The following KCNAB1 variants were observed in gnomAD, a reference collection of about 807,000 sequenced individuals.
KCNAB1 encodes voltage-gated potassium channel subunit beta-1.
A neutral mutation model predicts 64.6 loss-of-function variants in KCNAB1; 35 were observed. The ratio of observed to expected loss-of-function variants is 0.54; its 90% confidence interval spans 0.41 to 0.72. KCNAB1 has a LOEUF of 0.72. Among genes scored for constraint, KCNAB1 ranks in the 30% least tolerant of loss-of-function variants. KCNAB1 has a pLI of 0.00. For missense variants in KCNAB1, 401 were observed against 512.9 expected (o/e 0.78, Z 2.11); for synonymous variants, 177 against 183.8 (o/e 0.96, Z 0.30).
chr3:156,174,736 C>T (rs1159574972), intron 1 of KCNAB1, among the ~76,000 whole-genome samples: 2 of 152,184 alleles, frequency 1.3e-5, no homozygotes, highest in African/African-American at 4.8e-5. Flanking sequence ...TCCACAGGCC[C>T]TCTTATTCTC....
rs1316900310 is a variant in KCNAB1 at position 156,421,673 on chromosome 3, G to A, written c.319+14G>A. The A allele has an allele frequency of 1.9e-6, 3 of 1,612,706 alleles. No homozygotes were observed. Among genetic ancestry groups the A allele is most frequent in the Admixed American group, 3.3e-5 (2 of 59,994 alleles). ...GCTTGGGTCTTGGTAAGTACTGAGG[G>A]TGTGACCTGGGGGTGGGCTGGAAGG... is the stretch of plus-strand genomic sequence containing the variant. On this transcript the variant is annotated intron_variant, in intron 2 of 13. Transcript: ENST00000490337.
At chr3:156,514,296 G>A in intron 8 of KCNAB1, 68 bp from the exon 9 acceptor site, 1 of 1,158,624 alleles carries the variant, frequency 8.6e-7, no homozygotes, top group Non-Finnish European at 1.3e-6. Flanking sequence ...TTGGCTAGAG[G>A]AGTAAAAATC....
rs145724435 is a variant in KCNAB1 at position 156,127,962 on chromosome 3, C to G, written c.275+7076C>G. Among the ~76,000 whole-genome samples, 26 of 151,110 alleles carry G rather than the reference C, an allele frequency of 1.7e-4. No individual in the cohort carries two copies. In the East Asian group the frequency reaches 4.7e-3, roughly 27 times the overall value. On this transcript the variant is annotated intron_variant, in intron 1 of 13. Coordinates refer to ENST00000490337, the MANE Select transcript of KCNAB1 (RefSeq NM_172160.3). ...GGTTTCTTCTGAATAACTGTGGACA[C>G]CTGGAAGGCAGTGCCTCTATCTCAG...
intron 1 of KCNAB1, among the ~76,000 whole-genome samples, chr3:156,266,010 C>CA (rs545738497): frequency 7.9e-5 from 12 of 151,582 alleles, no homozygotes; most frequent in East Asian, 7.7e-4. Context: ...AAACAAAAAA[C>CA]AAAAAAAACT....
Position 156,279,739 on chromosome 3 carries a change from T to G in KCNAB1, c.276-141877T>G, listed in dbSNP as rs1365586831. ...CCAGTGATGATGAGCATTTTTTCAT[T>G]TGTTTTTTGGCTGCATAAATGTCTT... On this transcript the variant is annotated intron_variant, in intron 1 of 13. Coordinates refer to ENST00000490337, the MANE Select transcript of KCNAB1 (RefSeq NM_172160.3). Among the ~76,000 whole-genome samples the G allele has an allele frequency of 1.1e-3, 166 of 152,136 alleles. 2 individuals carry two copies. The South Asian group carries it at 0.013, about 12-fold the overall frequency.
In KCNAB1 at chr3:156,474,805, A is replaced by G; in HGVS notation, c.643A>G (p.Asn215Asp). Residue 215 changes from asparagine to aspartate, a missense_variant, in exon 8 of 14, where the codon AAC becomes GAC. By Grantham distance (23) the Asn-to-Asp change is conservative. Transcript: ENST00000490337. The stretch of plus-strand genomic sequence containing the variant: ...GGTCTTTGCAAATCGACCGGACAGT[A>G]ACACTCCCATGGAAGGTAAGTTAAG... ...DVVFANRPDS[N>D]TPMEEIVRAM... 6.2e-7 allele frequency: 1 copy of G among 1,612,764 alleles called. No individual in the cohort carries two copies. The highest frequency in any genetic ancestry group is 8.5e-7 in the Non-Finnish European group (1 of 1,178,922).
intron 7 of KCNAB1, among the ~76,000 whole-genome samples, chr3:156,469,251 T>C (rs933505637): frequency 3.1e-5 from 4 of 127,938 alleles, no homozygotes; most frequent in African/African-American, 1.2e-4. Flanking sequence ...TTTCTTTCTT[T>C]TTTTTTTTTT....
intron 1 of KCNAB1, among the ~76,000 whole-genome samples, chr3:156,417,719 G>GAAAAAAAAAAAAAAAAAAAAAAAAAAAA (rs200175870): frequency 7.7e-6 from 1 of 130,260 alleles, no homozygotes; most frequent in African/African-American, 2.9e-5. Context: ...TGCCTTAAAA[G>GAAAAAAAAAAAAAAAAAAAAAAAAAAAA]AAAAAAAAAA....
At chr3:156,473,383 T>C (rs1714084576) in intron 7 of KCNAB1, among the ~76,000 whole-genome samples, 1 of 152,164 alleles carries the variant, frequency 6.6e-6, no homozygotes. Flanking sequence ...TTACTTAGTA[T>C]TCCTGTCCTT....
intron 1 of KCNAB1, among the ~76,000 whole-genome samples, chr3:156,408,546 A>G (rs974588016): frequency 6.6e-6 from 1 of 152,174 alleles, no homozygotes; most frequent in Non-Finnish European, 1.5e-5. Flanking sequence ...TTGGGAGGCC[A>G]AGGTGGGTGG....
chr3:156,517,158 G>A (rs1347055557), intron 11 of KCNAB1, among the ~76,000 whole-genome samples: 1 of 152,186 alleles, frequency 6.6e-6, no homozygotes, highest in Non-Finnish European at 1.5e-5. Flanking sequence ...CTTCTAAGAG[G>A]AAGTATAAGC....
intron 1 of KCNAB1, among the ~76,000 whole-genome samples, chr3:156,313,491 AAGAGCCAGAC>A (rs1224675359): frequency 6.6e-6 from 1 of 152,312 alleles, no homozygotes; most frequent in East Asian, 1.9e-4. Flanking sequence ...TTGACTACCA[AAGAGCCAGAC>A]AGAAGGCGAT....
chr3:156,248,820 T>C (rs1268536763), intron 1 of KCNAB1, among the ~76,000 whole-genome samples: 1 of 152,206 alleles, frequency 6.6e-6, no homozygotes, highest in Non-Finnish European at 1.5e-5. Flanking sequence ...CCACGTGATA[T>C]GAGCCCTTTC....
chr3:156,378,829 G>T (rs549696401), intron 1 of KCNAB1, among the ~76,000 whole-genome samples: 19 of 152,264 alleles, frequency 1.2e-4, no homozygotes, highest in African/African-American at 4.6e-4. Context: ...AGGGTCAAGA[G>T]CCAAGCTGGA....
intron 1 of KCNAB1, among the ~76,000 whole-genome samples, chr3:156,336,825 C>G (rs1368829563): frequency 2.0e-5 from 3 of 152,232 alleles, no homozygotes; most frequent in African/African-American, 7.2e-5. Context: ...ACAGTTCAAT[C>G]ATGCCCAGAT....
At chr3:156,533,036 C>G (rs1482619873) in intron 13 of KCNAB1, among the ~76,000 whole-genome samples, 2 of 152,166 alleles carry the variant, frequency 1.3e-5, no homozygotes. Flanking sequence ...TTCAACAGAT[C>G]TTTGAGAGCC....
intron 1 of KCNAB1, among the ~76,000 whole-genome samples, chr3:156,239,946 A>G (rs1684276273): frequency 6.6e-6 from 1 of 152,198 alleles, no homozygotes; most frequent in African/African-American, 2.4e-5. Context: ...AGCTAGAGAT[A>G]CTTTTAAACT....
intron 12 of KCNAB1, among the ~76,000 whole-genome samples, chr3:156,524,703 C>T (rs12488389): frequency 8.0e-6 from 1 of 125,176 alleles, no homozygotes; most frequent in African/African-American, 3.0e-5. Context: ...GCCCAGATTG[C>T]GTCACTGCAC....
At chr3:156,471,579 T>G (rs1713897941) in intron 7 of KCNAB1, among the ~76,000 whole-genome samples, 1 of 152,222 alleles carries the variant, frequency 6.6e-6, no homozygotes, top group Admixed American at 6.6e-5. Flanking sequence ...ACTGGAGCAC[T>G]TACCTCCTTA....
Sources: gnomAD v4.1 joint callset for allele counts (sites outside exome capture counted in the v4.1 genomes callset) on GRCh38, gnomAD v4.1.1 for gene constraint, MANE v1.5 for transcripts, NCBI Gene and HGNC (gene_info 2026-07-23, HGNC 2026-07-21) for gene names.